The following ETFA variants were observed in gnomAD, a reference collection of about 807,000 sequenced individuals.
ETFA encodes electron transfer flavoprotein subunit alpha, mitochondrial.
In ETFA, 22 loss-of-function variants were observed where a neutral mutation model predicts 46.2. That is an observed-to-expected ratio of 0.48 (90% CI 0.34 to 0.68). The LOEUF (loss-of-function observed/expected upper bound fraction) is 0.68, where lower values mean the gene tolerates loss of function less well. ETFA is among the 30% of genes least tolerant of loss of function. ETFA has a pLI of 0.01. For missense variants in ETFA, 345 were observed against 401.1 expected, an observed-to-expected ratio of 0.86 and a Z score of 1.19; for synonymous variants, 131 against 139.9, an observed-to-expected ratio of 0.94 and a Z score of 0.45.
chr15:76,248,526 A>G (rs2039265299), intron 9 of ETFA, among the ~76,000 whole-genome samples: 1 of 152,226 alleles, frequency 6.6e-6, no homozygotes, highest in African/African-American at 2.4e-5. Context: ...CAAAAAGGAA[A>G]AAAATAAGTT....
intron 9 of ETFA, 101 bp downstream of exon 9, chr15:76,274,311 G>A: frequency 4.3e-6 from 4 of 934,322 alleles, no homozygotes. Flanking sequence ...AACTGCTCAG[G>A]AACACTGAGT....
At chr15:76,241,342 A>C (rs1293035947) in intron 9 of ETFA, among the ~76,000 whole-genome samples, 2 of 152,076 alleles carry the variant, frequency 1.3e-5, no homozygotes, top group Non-Finnish European at 1.5e-5. Flanking sequence ...CTCTACAAAA[A>C]ATAAAAAACA....
chr15:76,237,541 G>T (rs2039138614), intron 9 of ETFA, among the ~76,000 whole-genome samples: 2 of 152,166 alleles, frequency 1.3e-5, no homozygotes, highest in South Asian at 2.1e-4. Flanking sequence ...TTACCAATCT[G>T]CATTCTTGAG....
chr15:76,259,576 C>T lies in ETFA; in HGVS notation c.816+14836G>A. The T allele has an allele frequency of 2.8e-6, 3 of 1,053,114 alleles. No homozygotes were observed. In the South Asian group the frequency reaches 3.9e-5, roughly 14 times the overall value. The allele number at this position is 1,053,114 out of a possible 1,614,324, so 65.2% of individuals were successfully genotyped here. A position where few individuals can be genotyped will look rare whatever the true frequency, so the allele number is the denominator to read the frequency against. ...ATGGTCACCCCGAAGGCCCACACAT[C>T]ACTGTGCACAGTATACAGGTTGTCA... On this transcript the variant is annotated intron_variant, in intron 9 of 11. Coordinates refer to ENST00000557943, the MANE Select transcript of ETFA (RefSeq NM_000126.4).
intron 9 of ETFA, among the ~76,000 whole-genome samples, chr15:76,271,967 C>T (rs534853820): frequency 1.9e-4 from 29 of 151,552 alleles, no homozygotes; most frequent in Non-Finnish European, 3.5e-4. Context: ...AAAATTCTCT[C>T]GGAGGCTGTA....
At position 76,274,487 on chromosome 15, in the gene ETFA, A is replaced by C; in HGVS notation, c.741T>G (p.Ala247=). 2 of 1,611,784 alleles carry C rather than the reference A, an allele frequency of 1.2e-6. 1 individual carries two copies. Among genetic ancestry groups the C allele is most frequent in the South Asian group, 2.2e-5 (2 of 90,654 alleles). ...AGCCAGCATCAACAGCAGCACGGGA[A>C]GCACCAACTAAGGGGAAAAAATATT... The part of the protein sequence containing the change: ...LADQLHAAVG[A]SRAAVDAGFV... The change falls in exon 9 of 12, where the codon GCT becomes GCG. Residue 247 remains alanine (A), a synonymous_variant. Transcript: ENST00000557943.
At chr15:76,257,840 A>T (rs2039360452) in intron 9 of ETFA, among the ~76,000 whole-genome samples, 1 of 151,918 alleles carries the variant, frequency 6.6e-6, no homozygotes, top group Non-Finnish European at 1.5e-5. Flanking sequence ...ATGCAGCCAT[A>T]AAAAATGATG....
intron 9 of ETFA, among the ~76,000 whole-genome samples, chr15:76,258,170 TAATA>T (rs10688626): frequency 0.018 from 2,663 of 151,100 alleles, 134 homozygotes; most frequent in East Asian, 0.14. Context: ...TAAAGTATAA[TAATA>T]AATAAATAAA....
chr15:76,254,656 A>G (rs1242623942), intron 9 of ETFA, among the ~76,000 whole-genome samples: 1 of 152,166 alleles, frequency 6.6e-6, no homozygotes, highest in African/African-American at 2.4e-5. Context: ...ATTCTCTCAC[A>G]GTGCGCAATG....
At position 76,292,414 on chromosome 15, in the gene ETFA, A is replaced by G. The variant is rs138629105; in HGVS notation, c.351+17T>C. On this transcript the variant is annotated intron_variant, in intron 4 of 11. Coordinates refer to ENST00000557943, the MANE Select transcript of ETFA (RefSeq NM_000126.4). ...TTCAAGCAGTGATATCAGATTCCAC[A>G]TTCTCAACCTTCTCACCTTTCCGAA... The G allele has an allele frequency of 6.0e-3, 9,415 of 1,577,952 alleles. 54 individuals are homozygous for G. The highest frequency in any genetic ancestry group is 7.0e-3 in the Non-Finnish European group (8,049 of 1,146,816).
intron 9 of ETFA, among the ~76,000 whole-genome samples, chr15:76,256,987 T>A (rs1178070462): frequency 6.6e-6 from 1 of 152,228 alleles, no homozygotes; most frequent in Non-Finnish European, 1.5e-5. Flanking sequence ...CTATGATGCT[T>A]ACACAATAAC....
chr15:76,250,222 G>GAA (rs11445780), intron 9 of ETFA, among the ~76,000 whole-genome samples: 1 of 151,616 alleles, frequency 6.6e-6, no homozygotes, highest in Non-Finnish European at 1.5e-5. Context: ...AAGATGGATT[G>GAA]AAAAAAAGAT....
chr15:76,288,914 CTTCTTCT>C (rs1198937175), intron 4 of ETFA, among the ~76,000 whole-genome samples: 2 of 65,194 alleles, frequency 3.1e-5, no homozygotes, highest in African/African-American at 1.1e-4. Flanking sequence ...TCTTCTTCTT[CTTCTTCT>C]TTTTTTTTTT....
intron 9 of ETFA, 151 bp downstream of exon 9, chr15:76,274,261 C>T: frequency 1.4e-6 from 1 of 699,060 alleles, no homozygotes; most frequent in Non-Finnish European, 2.6e-6. Context: ...AAGAACTACA[C>T]AGACCTTGTG....
chr15:76,257,870 G>A (rs894956863), intron 9 of ETFA, among the ~76,000 whole-genome samples: 17 of 151,758 alleles, frequency 1.1e-4, no homozygotes, highest in Admixed American at 3.3e-4. Flanking sequence ...CCTTTGTAGG[G>A]ACATGGATGA....
intron 11 of ETFA, among the ~76,000 whole-genome samples, chr15:76,218,620 G>A (rs1489093840): frequency 6.6e-6 from 1 of 152,196 alleles, no homozygotes; most frequent in East Asian, 1.9e-4. Flanking sequence ...TTAGGAAAAA[G>A]GAAATGCTAA....
intron 9 of ETFA, among the ~76,000 whole-genome samples, chr15:76,237,474 T>C (rs1683018287): frequency 6.6e-6 from 1 of 152,192 alleles, no homozygotes; most frequent in African/African-American, 2.4e-5. Context: ...ACTACTACAT[T>C]ATTCAATCAT....
rs35907442 is a variant in ETFA, at chr15:76,280,917, C to CTTTT, written c.733+2836_733+2839dup. ...CTCCTTCAAACCTTTGTTCAGATGT[C>CTTTT]TTTTTTTTTTTTTTTTTTTTCAGAC... On this transcript the variant is annotated intron_variant, in intron 8 of 11. Coordinates refer to ENST00000557943, the MANE Select transcript of ETFA (RefSeq NM_000126.4). 5.7e-4 allele frequency among the ~76,000 whole-genome samples: 58 copies of CTTTT among 102,038 alleles called. 2 individuals are homozygous for CTTTT. Among genetic ancestry groups the CTTTT allele is most frequent in the African/African-American group, 1.9e-3 (47 of 25,104 alleles). 66.9% of individuals were successfully genotyped at this position (102,038 alleles called of 152,430 possible).
chr15:76,248,977 A>C (rs111804278), intron 9 of ETFA, among the ~76,000 whole-genome samples: 71 of 152,270 alleles, frequency 4.7e-4, no homozygotes, highest in African/African-American at 1.6e-3. Flanking sequence ...AGGGAAAAAA[A>C]CCATAAATGG....
Sources: gnomAD v4.1 joint callset for allele counts (sites outside exome capture counted in the v4.1 genomes callset) on GRCh38, gnomAD v4.1.1 for gene constraint, MANE v1.5 for transcripts, NCBI Gene and HGNC (gene_info 2026-07-23, HGNC 2026-07-21) for gene names.